VAPA: variants seen among roughly 807,000 people sequenced by gnomAD.
VAPA encodes the protein VAMP associated protein A.
VAPA carries 6 observed loss-of-function variants against 25.6 expected under a neutral mutation model. That is an observed-to-expected ratio of 0.23 (90% CI 0.13 to 0.46). The LOEUF (loss-of-function observed/expected upper bound fraction) is 0.46, where lower values mean the gene tolerates loss of function less well. VAPA is among the 20% of genes least tolerant of loss of function. The pLI is 0.99. For synonymous variants in VAPA, 112 were observed against 106.2 expected (o/e 1.05, Z -0.34); for missense variants, 244 against 302.1 (o/e 0.81, Z 1.43).
At position 9,939,229 on chromosome 18, in the gene VAPA, T is replaced by C. The variant is rs935167507; in HGVS notation, c.417+2163T>C. On this transcript the variant is annotated intron_variant, in intron 4 of 5. Coordinates refer to ENST00000400000, the MANE Select transcript of VAPA (RefSeq NM_194434.3). ...CTCTGTTGCTCAGGCTGGAGTGCAG[T>C]GGCACGATCTTGGCTCACTGCAACC... Among the ~76,000 whole-genome samples, 13 of 151,554 alleles carry C rather than the reference T, an allele frequency of 8.6e-5. 1 individual carries two copies. Among genetic ancestry groups the C allele is most frequent in the Admixed American group, 2.6e-4 (4 of 15,190 alleles).
At chr18:9,933,111 TA>T (rs771128247) in intron 2 of VAPA, among the ~76,000 whole-genome samples, 1,728 of 135,698 alleles carry the variant, frequency 0.013, 17 homozygotes, top group African/African-American at 0.033. Context: ...AAGTGTACCT[TA>T]AAAAAAAAAA....
intron 1 of VAPA, among the ~76,000 whole-genome samples, chr18:9,919,346 C>T (rs1054630656): frequency 6.6e-6 from 1 of 152,134 alleles, no homozygotes; most frequent in Non-Finnish European, 1.5e-5. Flanking sequence ...AATTATGGAT[C>T]TAATTTGATT....
In VAPA at chr18:9,957,623, A is replaced by G. The variant is rs908727004; in HGVS notation, c.*3412A>G. The G allele has an allele frequency of 6.6e-6, 1 of 152,228 alleles. No homozygotes were observed. The highest frequency in any genetic ancestry group is 6.5e-5 in the Admixed American group (1 of 15,282). 9.4% of individuals were successfully genotyped at this position (152,228 alleles called of 1,614,324 possible). On this transcript the variant is annotated 3_prime_UTR_variant, in exon 6 of 6. Coordinates refer to ENST00000400000, the MANE Select transcript of VAPA (RefSeq NM_194434.3). ...TACCATTTGGAAAAACGAAGATCAG[A>G]AGGTAAATGATCTTTATTTTCTAGC...
chr18:9,934,861 G>A (rs142923730), intron 2 of VAPA, among the ~76,000 whole-genome samples: 289 of 152,218 alleles, frequency 1.9e-3, no homozygotes, highest in African/African-American at 6.8e-3. Flanking sequence ...TTGGGAGGCT[G>A]AGACGGGCGG....
At chr18:9,929,997 G>A (rs58926228) in intron 1 of VAPA, among the ~76,000 whole-genome samples, 7 of 152,196 alleles carry the variant, frequency 4.6e-5, no homozygotes, top group Admixed American at 6.5e-5. Context: ...GGGCAGTATC[G>A]TGAAATGTAA....
At chr18:9,937,098 C>CT in intron 4 of VAPA, 32 bp downstream of exon 4, 1 of 1,571,244 alleles carries the variant, frequency 6.4e-7, no homozygotes, top group Non-Finnish European at 8.7e-7. Context: ...AAATTGGGAG[C>CT]TGTTGAGCTC....
At chr18:9,950,268 C>A in intron 4 of VAPA, 127 bp from the exon 5 acceptor site, 1 of 929,928 alleles carries the variant, frequency 1.1e-6, no homozygotes, top group Non-Finnish European at 1.6e-6. Flanking sequence ...TGACTGCTGA[C>A]ATGTACTGAT....
At chr18:9,948,524 A>G (rs1004756397) in intron 4 of VAPA, 5 of 152,060 alleles carry the variant, frequency 3.3e-5, no homozygotes, top group African/African-American at 1.2e-4. Flanking sequence ...GTCGAGCTTG[A>G]TGATTCTTTT....
In VAPA at chr18:9,931,859, G is replaced by C; in HGVS notation, c.129G>C (p.Ser43=). 1 of 1,613,778 alleles carries C rather than the reference G, an allele frequency of 6.2e-7. No individual in the cohort carries two copies. ...CAAATCTTAAATTGCGAAATCCATC[G>C]GATAGAAAAGTGTGTTTCAAAGTGA... ...VTTNLKLRNP[S]DRKVCFKVKT... is the part of the protein sequence containing the mutation. Residue 43 remains serine (S), a synonymous_variant, in exon 2 of 6, where the codon TCG becomes TCC. Coordinates refer to ENST00000400000, the MANE Select transcript of VAPA (RefSeq NM_194434.3).
chr18:9,936,955 A>G (rs1181916452), intron 3 of VAPA, 31 bp from the exon 4 acceptor site: 1 of 1,585,508 alleles, frequency 6.3e-7, no homozygotes, highest in Non-Finnish European at 8.7e-7. Context: ...CATACCTCCT[A>G]TGTCTCATGT....
intron 1 of VAPA, among the ~76,000 whole-genome samples, chr18:9,926,936 GTAAC>G (rs1010344972): frequency 6.6e-5 from 10 of 152,126 alleles, no homozygotes; most frequent in African/African-American, 2.4e-4. Flanking sequence ...ACACCTCTGA[GTAAC>G]TAGCCTAAAT....
At chr18:9,952,607 A>T (rs2069502126) in intron 5 of VAPA, among the ~76,000 whole-genome samples, 1 of 151,026 alleles carries the variant, frequency 6.6e-6, no homozygotes, top group Non-Finnish European at 1.5e-5. Context: ...CCACTGGCTT[A>T]CAGAATTTCA....
intron 1 of VAPA, among the ~76,000 whole-genome samples, chr18:9,919,624 G>A (rs767600868): frequency 7.9e-5 from 12 of 152,184 alleles, no homozygotes; most frequent in Non-Finnish European, 1.8e-4. Flanking sequence ...GAAAATGCAT[G>A]TTCAAATATC....
rs1278442498 is a variant in VAPA, at chr18:9,954,409, T to C, written c.*198T>C. The C allele has an allele frequency of 5.6e-6, 3 of 533,280 alleles. No homozygotes were observed. In the African/African-American group the frequency reaches 5.8e-5, roughly 10 times the overall value. The allele number at this position is 533,280 out of a possible 1,614,324, so 33.0% of individuals were successfully genotyped here. A position where few individuals can be genotyped will look rare whatever the true frequency, so the allele number is the denominator to read the frequency against. The stretch of plus-strand genomic sequence containing the variant: ...ACAAACTGTTCGGCTACTGGACAGG[T>C]TGTATATTACCAGATCATCACTAGC... On this transcript the variant is annotated 3_prime_UTR_variant, in exon 6 of 6. Coordinates refer to ENST00000400000, the MANE Select transcript of VAPA (RefSeq NM_194434.3).
At chr18:9,935,621 A>T (rs2069301740) in intron 2 of VAPA, among the ~76,000 whole-genome samples, 1 of 152,218 alleles carries the variant, frequency 6.6e-6, no homozygotes, top group African/African-American at 2.4e-5. Context: ...TAAGTTACTG[A>T]GTATTTCTCC....
At chr18:9,927,730 C>G (rs1190584446) in intron 1 of VAPA, among the ~76,000 whole-genome samples, 1 of 151,996 alleles carries the variant, frequency 6.6e-6, no homozygotes, top group Non-Finnish European at 1.5e-5. Flanking sequence ...ATGTCAGGCT[C>G]TAAGTTTTTT....
chr18:9,945,037 G>A (rs924755624), intron 4 of VAPA: 2 of 1,613,996 alleles, frequency 1.2e-6, no homozygotes, highest in African/African-American at 1.3e-5. Flanking sequence ...GACTCAGTGT[G>A]TTGAAACAGG....
chr18:9,917,296 C>A (rs529855684), intron 1 of VAPA, among the ~76,000 whole-genome samples: 1 of 152,132 alleles, frequency 6.6e-6, no homozygotes, highest in East Asian at 1.9e-4. Flanking sequence ...TACCTATTAG[C>A]AGTTTTTTTA....
chr18:9,929,624 A>G (rs2069232729), intron 1 of VAPA, among the ~76,000 whole-genome samples: 1 of 152,132 alleles, frequency 6.6e-6, no homozygotes, highest in Non-Finnish European at 1.5e-5. Flanking sequence ...TGGACCAGAT[A>G]TTTCTTTCCG....
Sources: gnomAD v4.1 joint callset for allele counts (sites outside exome capture counted in the v4.1 genomes callset) on GRCh38, gnomAD v4.1.1 for gene constraint, MANE v1.5 for transcripts, NCBI Gene and HGNC (gene_info 2026-07-23, HGNC 2026-07-21) for gene names.